Variants in PCDH15 observed in about 807,000 individuals in gnomAD.
PCDH15 encodes protocadherin-15.
A neutral mutation model predicts 178.5 loss-of-function variants in PCDH15; 129 were observed. The observed-to-expected ratio is 0.72, with a 90% CI of 0.63 to 0.84. The LOEUF (loss-of-function observed/expected upper bound fraction) is 0.84, where lower values mean the gene tolerates loss of function less well. Among genes scored for constraint, PCDH15 ranks in the 40% least tolerant of loss-of-function variants. PCDH15 has a pLI of 0.00. For synonymous variants in PCDH15, 800 were observed against 732.0 expected (o/e 1.09, Z -1.50); for missense variants, 2,230 against 2,099.9 (o/e 1.06, Z -1.21).
chr10:54,552,303 A>T (rs11004379), intron 2 of PCDH15, among the ~76,000 whole-genome samples: 9,481 of 152,250 alleles, frequency 0.062, 627 homozygotes, highest in East Asian at 0.32. Flanking sequence ...AGAAAATTTT[A>T]TTCATAGTTC....
chr10:54,812,273 C>CTTTT (rs529215060), intron 3 of PCDH15, among the ~76,000 whole-genome samples: 2 of 134,790 alleles, frequency 1.5e-5, no homozygotes, highest in African/African-American at 5.5e-5. Flanking sequence ...CTTCCTCTTC[C>CTTTT]TTTTTTTTTT....
In PCDH15 at chr10:53,806,074, A is replaced by ATTTAC. The variant is rs530460297; in HGVS notation, c.*500_*504dup. The ATTTAC allele has an allele frequency of 1.3e-3, 203 of 153,784 alleles. 1 individual carries two copies. In the Middle Eastern group the frequency reaches 0.024, roughly 18 times the overall value. 9.5% of individuals were successfully genotyped at this position (153,784 alleles called of 1,614,324 possible). A position where few individuals can be genotyped will look rare whatever the true frequency, so the allele number is the denominator to read the frequency against. On this transcript the variant is annotated 3_prime_UTR_variant, in exon 38 of 38. Coordinates refer to ENST00000644397, the MANE Select transcript of PCDH15 (RefSeq NM_001384140.1). ...TTAATTATTTACAGGTGATTCCCTCATTTACTTTACTTTGCAATTCTAGCT... is the reference window on the plus strand; with the variant it reads ...TTAATTATTTACAGGTGATTCCCTCATTTACTTTACTTTACTTTGCAATTCTAGCT...
intron 1 of PCDH15, among the ~76,000 whole-genome samples, chr10:54,675,977 ACT>A (rs772437331): frequency 3.3e-4 from 51 of 152,298 alleles, no homozygotes; most frequent in Middle Eastern, 3.4e-3. Flanking sequence ...TAGTTTTAAC[ACT>A]TATTCCTGCA....
chr10:54,230,098 A>T (rs1406260997), intron 9 of PCDH15, among the ~76,000 whole-genome samples: 2 of 152,198 alleles, frequency 1.3e-5, no homozygotes, highest in Admixed American at 1.3e-4. Context: ...TTGCCTTCTT[A>T]AAAGGCAGGC....
At chr10:54,460,368 G>T (rs1317280861) in intron 3 of PCDH15, among the ~76,000 whole-genome samples, 1 of 152,076 alleles carries the variant, frequency 6.6e-6, no homozygotes, top group Non-Finnish European at 1.5e-5. Flanking sequence ...TTGAAATAGG[G>T]ACAACTGATA....
Position 54,378,903 on chromosome 10 carries a change from G to A in PCDH15, c.197C>T (p.Ala66Val), listed in dbSNP as rs748690741. The change falls in exon 4 of 38, where the codon GCT becomes GTT. Residue 66 changes from alanine to valine, a missense_variant. Coordinates refer to ENST00000644397, the MANE Select transcript of PCDH15 (RefSeq NM_001384140.1). ...LVDNMLIKGT[A>V]GGPDPTIELS... ...TTCTATGGTGGGGTCTGGTCCTCCA[G>A]CAGTCCCTTTGATCAGCATGTTGTC... 2 of 1,613,732 alleles carry A rather than the reference G, an allele frequency of 1.2e-6. No homozygotes were observed. Among genetic ancestry groups the A allele is most frequent in the South Asian group, 1.1e-5 (1 of 91,070 alleles).
chr10:54,779,451 CTCATATATGTGTGT>C (rs1950075595), intron 1 of PCDH15, among the ~76,000 whole-genome samples: 1 of 103,722 alleles, frequency 9.6e-6, no homozygotes, highest in Admixed American at 9.9e-5. Flanking sequence ...TATATATACA[CTCATATATGTGTGT>C]ATATATATAC....
chr10:54,309,986 T>G (rs2060802845), intron 8 of PCDH15, among the ~76,000 whole-genome samples: 2 of 152,042 alleles, frequency 1.3e-5, no homozygotes, highest in Non-Finnish European at 2.9e-5. Context: ...AAACTATTAG[T>G]TTTGAGGATC....
chr10:54,292,469 C>T (rs2059482707), intron 8 of PCDH15, among the ~76,000 whole-genome samples: 1 of 152,110 alleles, frequency 6.6e-6, no homozygotes, highest in Non-Finnish European at 1.5e-5. Flanking sequence ...AAGTTCTGGT[C>T]AGGCAAATCA....
intron 2 of PCDH15, among the ~76,000 whole-genome samples, chr10:54,543,300 G>A (rs1184279110): frequency 1.3e-5 from 2 of 152,154 alleles, no homozygotes; most frequent in East Asian, 3.9e-4. Flanking sequence ...ATAAGGAAGG[G>A]GGTCTAATTA....
At chr10:55,339,998 A>C (rs902330799) in intron 2 of PCDH15, among the ~76,000 whole-genome samples, 5 of 151,612 alleles carry the variant, frequency 3.3e-5, no homozygotes, top group African/African-American at 1.2e-4. Flanking sequence ...GTCGTATCTT[A>C]TCTACACAAT....
intron 1 of PCDH15, among the ~76,000 whole-genome samples, chr10:55,290,677 T>C (rs1327724418): frequency 6.6e-6 from 1 of 152,098 alleles, no homozygotes; most frequent in Admixed American, 6.6e-5. Context: ...AGAACCAAGT[T>C]GACATAAGCT....
intron 2 of PCDH15, among the ~76,000 whole-genome samples, chr10:55,531,472 A>C (rs1052471290): frequency 6.6e-6 from 1 of 152,028 alleles, no homozygotes; most frequent in African/African-American, 2.4e-5. Flanking sequence ...CATCTTGAAA[A>C]ATAAATAAGA....
intron 2 of PCDH15, among the ~76,000 whole-genome samples, chr10:54,991,960 G>A (rs1043970170): frequency 1.3e-5 from 2 of 151,722 alleles, no homozygotes; most frequent in African/African-American, 2.4e-5. Flanking sequence ...ATAAGACAAC[G>A]GCTAACATAT....
intron 2 of PCDH15, among the ~76,000 whole-genome samples, chr10:54,616,593 AT>A (rs1565755073): frequency 1.3e-5 from 2 of 152,250 alleles, no homozygotes; most frequent in Non-Finnish European, 2.9e-5. Flanking sequence ...CAGAATTCTG[AT>A]TTTTTTAAAA....
At chr10:55,204,524 T>C (rs550939851) in intron 1 of PCDH15, among the ~76,000 whole-genome samples, 2 of 111,056 alleles carry the variant, frequency 1.8e-5, no homozygotes, top group East Asian at 1.9e-4. Context: ...AAGGCTACTA[T>C]ACCTTGTCCA....
intron 5 of PCDH15, 112 bp downstream of exon 5, chr10:54,369,008 T>G (rs1032524324): frequency 1.6e-6 from 2 of 1,223,822 alleles, no homozygotes; most frequent in African/African-American, 1.5e-5. Context: ...TTCTTGATAT[T>G]TCTAAACAGT....
chr10:54,303,483 G>A (rs1464618652), intron 8 of PCDH15, among the ~76,000 whole-genome samples: 2 of 151,886 alleles, frequency 1.3e-5, no homozygotes, highest in African/African-American at 4.8e-5. Flanking sequence ...TTAGTATGTG[G>A]AAATGTATTG....
chr10:54,956,668 A>C (rs1838496343), intron 2 of PCDH15, among the ~76,000 whole-genome samples: 1 of 151,606 alleles, frequency 6.6e-6, no homozygotes. Context: ...AAGTTGTTAA[A>C]ATTATTATAT....
Sources: gnomAD v4.1 joint callset for allele counts (sites outside exome capture counted in the v4.1 genomes callset) on GRCh38, gnomAD v4.1.1 for gene constraint, MANE v1.5 for transcripts, NCBI Gene and HGNC (gene_info 2026-07-23, HGNC 2026-07-21) for gene names.